Variants in CDH12 observed in about 807,000 individuals in gnomAD.
CDH12 encodes the protein cadherin-12.
CDH12 carries 41 observed loss-of-function variants against 74.1 expected under a neutral mutation model. The observed-to-expected ratio is 0.55, with a 90% CI of 0.43 to 0.72. CDH12 has a LOEUF of 0.72. Ranked by LOEUF, CDH12 falls within the 30% of genes least tolerant of loss-of-function variation. CDH12 has a pLI of 0.00. For missense variants in CDH12, 945 were observed against 977.2 expected, an observed-to-expected ratio of 0.97 and a Z score of 0.44; for synonymous variants, 399 against 355.0, an observed-to-expected ratio of 1.12 and a Z score of -1.39.
At chr5:22,502,964 T>C (rs1417546022) in intron 2 of CDH12, among the ~76,000 whole-genome samples, 1 of 152,106 alleles carries the variant, frequency 6.6e-6, no homozygotes, top group Non-Finnish European at 1.5e-5. Context: ...TCTTTACATA[T>C]TTTTATCTAT....
Position 22,250,617 on chromosome 5 carries a change from A to G in CDH12, c.-332-37974T>C, listed in dbSNP as rs74652692. Reference sequence around the variant, plus strand: ...TATAAATGCCAACAATATGTTGTAAATAAAAGCATGTAGGAAATAATATTT... The same window carrying G: ...TATAAATGCCAACAATATGTTGTAAGTAAAAGCATGTAGGAAATAATATTT... On this transcript the variant is annotated intron_variant, in intron 3 of 14. Coordinates refer to ENST00000382254, the MANE Select transcript of CDH12 (RefSeq NM_004061.5). 6.5e-3 allele frequency among the ~76,000 whole-genome samples: 992 copies of G among 152,340 alleles called. 7 individuals are homozygous for G. The highest frequency in any genetic ancestry group is 0.022 in the African/African-American group (924 of 41,576).
chr5:22,240,317 G>T (rs7443303), intron 3 of CDH12, among the ~76,000 whole-genome samples: 2 of 152,156 alleles, frequency 1.3e-5, no homozygotes, highest in African/African-American at 4.8e-5. Flanking sequence ...ACATGAAAAA[G>T]ATAATGTAGT....
At position 22,809,033 on chromosome 5, in the gene CDH12, A is replaced by G. The variant is rs114231162; in HGVS notation, c.-523+44025T>C. Among the ~76,000 whole-genome samples the G allele has an allele frequency of 8.7e-3, 1,319 of 151,736 alleles. 23 individuals are homozygous for G. The highest frequency in any genetic ancestry group is 0.03 in the African/African-American group (1,257 of 41,444). On this transcript the variant is annotated intron_variant, in intron 1 of 14. Transcript: ENST00000382254. ...TGTATTTTGAGATAGTTTATAAAAGACCAGAAATGCCTAAACAATAATGTA... is the reference window on the plus strand; with the variant it reads ...TGTATTTTGAGATAGTTTATAAAAGGCCAGAAATGCCTAAACAATAATGTA...
At chr5:22,699,546 C>A (rs1006515358) in intron 1 of CDH12, among the ~76,000 whole-genome samples, 4 of 152,048 alleles carry the variant, frequency 2.6e-5, no homozygotes, top group African/African-American at 9.7e-5. Context: ...GTAAGCAGTG[C>A]CTTATGGAAG....
intron 3 of CDH12, among the ~76,000 whole-genome samples, chr5:22,214,055 T>C (rs1466666362): frequency 1.3e-5 from 2 of 151,920 alleles, no homozygotes; most frequent in African/African-American, 4.8e-5. Flanking sequence ...ATGCACTAAG[T>C]ATAAATAATA....
At chr5:21,781,845 C>T (rs1032299031) in intron 11 of CDH12, among the ~76,000 whole-genome samples, 1 of 152,132 alleles carries the variant, frequency 6.6e-6, no homozygotes, top group Non-Finnish European at 1.5e-5. Flanking sequence ...AGTAGCCCCA[C>T]CCCGAAGGAA....
At chr5:22,286,417 A>T (rs1737136748) in intron 3 of CDH12, among the ~76,000 whole-genome samples, 1 of 152,194 alleles carries the variant, frequency 6.6e-6, no homozygotes, top group South Asian at 2.1e-4. Flanking sequence ...ATAGCACTTC[A>T]ACTACATAAA....
At chr5:21,817,516 A>G (rs1378854102) in intron 8 of CDH12, among the ~76,000 whole-genome samples, 4 of 151,844 alleles carry the variant, frequency 2.6e-5, no homozygotes, top group Non-Finnish European at 4.4e-5. Context: ...AGTTATAGAT[A>G]CATAGATAGA....
chr5:22,259,595 T>G (rs1753441403), intron 3 of CDH12, among the ~76,000 whole-genome samples: 1 of 152,110 alleles, frequency 6.6e-6, no homozygotes, highest in Admixed American at 6.6e-5. Flanking sequence ...GAAACTATAC[T>G]ATTTTCATGG....
chr5:22,813,245 C>T (rs1339364684), intron 1 of CDH12, among the ~76,000 whole-genome samples: 1 of 152,102 alleles, frequency 6.6e-6, no homozygotes, highest in Non-Finnish European at 1.5e-5. Context: ...TGAAGGACAA[C>T]TAGAGGTGTA....
chr5:21,942,333 A>AATAT (rs1755366968), intron 6 of CDH12, among the ~76,000 whole-genome samples: 1 of 96,862 alleles, frequency 1.0e-5, no homozygotes, highest in Admixed American at 1.1e-4. Context: ...AGACAAATAC[A>AATAT]GTATATATAT....
intron 3 of CDH12, among the ~76,000 whole-genome samples, chr5:22,270,590 G>T (rs199936096): frequency 5.9e-5 from 6 of 101,176 alleles, no homozygotes; most frequent in African/African-American, 2.5e-4. Context: ...GTGAGACACC[G>T]TCTCAAAAAA....
At chr5:22,674,757 T>A (rs1404081823) in intron 1 of CDH12, among the ~76,000 whole-genome samples, 1 of 152,286 alleles carries the variant, frequency 6.6e-6, no homozygotes, top group Non-Finnish European at 1.5e-5. Context: ...TGTTGGGAAC[T>A]GGAGCAAAGG....
chr5:22,512,278 T>C (rs1413779525), intron 1 of CDH12, among the ~76,000 whole-genome samples: 1 of 152,158 alleles, frequency 6.6e-6, no homozygotes, highest in Non-Finnish European at 1.5e-5. Context: ...AGAGGATATA[T>C]TAAAGAATTA....
intron 3 of CDH12, among the ~76,000 whole-genome samples, chr5:22,360,032 A>C: frequency 6.6e-6 from 1 of 152,180 alleles, no homozygotes; most frequent in Non-Finnish European, 1.5e-5. Context: ...TAGAGAAGCA[A>C]GAGCAAACAC....
intron 1 of CDH12, among the ~76,000 whole-genome samples, chr5:22,656,954 A>G (rs1192110750): frequency 6.6e-6 from 1 of 152,086 alleles, no homozygotes; most frequent in African/African-American, 2.4e-5. Flanking sequence ...CTCCTGCCTC[A>G]GCCTCCTGAG....
intron 12 of CDH12, among the ~76,000 whole-genome samples, chr5:21,761,780 T>C (rs1744740661): frequency 6.6e-6 from 1 of 152,016 alleles, no homozygotes; most frequent in South Asian, 2.1e-4. Context: ...GATAGATAGA[T>C]AGATGATAGA....
chr5:22,713,415 A>C (rs1031854575), intron 1 of CDH12, among the ~76,000 whole-genome samples: 3 of 151,960 alleles, frequency 2.0e-5, no homozygotes, highest in Admixed American at 2.0e-4. Context: ...TGCTGGGATT[A>C]CAGGCATGAG....
At position 21,751,650 on chromosome 5, in the gene CDH12, G is replaced by GTGTGTGTGTT; in HGVS notation, c.*86_*87insAACACACACA. On this transcript the variant is annotated 3_prime_UTR_variant, in exon 15 of 15. Transcript: ENST00000382254. ...TGTGTGTTTGTGTGTGTGTGTGTGT[G>GTGTGTGTGTT]TGAGAGAGATTTCTATTAATATTTG... 4.0e-6 allele frequency: 4 copies of GTGTGTGTGTT among 993,300 alleles called. No individual in the cohort carries two copies. Among genetic ancestry groups the GTGTGTGTGTT allele is most frequent in the Non-Finnish European group, 6.1e-6 (4 of 660,352 alleles). 61.5% of individuals were successfully genotyped at this position (993,300 alleles called of 1,614,324 possible).
Sources: gnomAD v4.1 joint callset for allele counts (sites outside exome capture counted in the v4.1 genomes callset) on GRCh38, gnomAD v4.1.1 for gene constraint, MANE v1.5 for transcripts, NCBI Gene and HGNC (gene_info 2026-07-23, HGNC 2026-07-21) for gene names.